Variants in SLC37A1 observed in about 807,000 individuals in gnomAD.
SLC37A1 encodes the protein glucose-6-phosphate exchanger SLC37A1.
SLC37A1 carries 49 observed loss-of-function variants against 75.3 expected under a neutral mutation model. That is an observed-to-expected ratio of 0.65 (90% confidence interval 0.52 to 0.83). The LOEUF (loss-of-function observed/expected upper bound fraction) is 0.83, where lower values mean the gene tolerates loss of function less well. Ranked by LOEUF, SLC37A1 falls within the 40% of genes least tolerant of loss-of-function variation. The pLI, the probability that SLC37A1 is intolerant of heterozygous loss-of-function variation, is 0.00. For synonymous variants in SLC37A1, 268 were observed against 292.1 expected, an observed-to-expected ratio of 0.92 and a Z score of 0.84; for missense variants, 566 against 695.0, an observed-to-expected ratio of 0.81 and a Z score of 2.09.
At chr21:42,504,771 G>A (rs1445645402) in intron 2 of SLC37A1, among the ~76,000 whole-genome samples, 1 of 152,172 alleles carries the variant, frequency 6.6e-6, no homozygotes, top group African/African-American at 2.4e-5. Context: ...TTCTTGGGCT[G>A]ACCTTTTTAT....
chr21:42,558,907 T>C (rs1460289996), intron 10 of SLC37A1, 51 bp from the exon 11 acceptor site: 4 of 1,611,264 alleles, frequency 2.5e-6, no homozygotes, highest in Non-Finnish European at 3.4e-6. Flanking sequence ...TCACCCAGAC[T>C]GCCCGGCTGG....
intron 3 of SLC37A1, among the ~76,000 whole-genome samples, chr21:42,530,659 C>CCCT (rs1034445660): frequency 1.4e-5 from 2 of 143,032 alleles, no homozygotes; most frequent in East Asian, 4.0e-4. Context: ...CACACACCCC[C>CCCT]TCTGTGTTGG....
intron 19 of SLC37A1, 120 bp from the exon 20 acceptor site, chr21:42,580,225 T>C: frequency 8.6e-7 from 1 of 1,162,944 alleles, no homozygotes; most frequent in Non-Finnish European, 1.3e-6. Flanking sequence ...GAGGAATCCC[T>C]GCTGGGCCGG....
rs566540052 is a variant in SLC37A1, at chr21:42,577,413, C to T, written c.1522-2323C>T. The stretch of plus-strand genomic sequence containing the variant: ...AGCCTGAAATATTTACTATCTAGAC[C>T]TTTACAGAAAAAGCTTTCTGACTCT... On this transcript the variant is annotated intron_variant, in intron 18 of 19. Transcript: ENST00000352133. Among the ~76,000 whole-genome samples the T allele has an allele frequency of 2.2e-3, 331 of 152,332 alleles. 2 individuals are homozygous for T. Among genetic ancestry groups the T allele is most frequent in the Admixed American group, 5.2e-3 (79 of 15,304 alleles).
chr21:42,551,389 G>A (rs781317207), intron 9 of SLC37A1, among the ~76,000 whole-genome samples: 14 of 152,192 alleles, frequency 9.2e-5, no homozygotes, highest in Admixed American at 2.0e-4. Context: ...CATATGAAAT[G>A]TCCAGAATAG....
At chr21:42,561,720 A>G in intron 11 of SLC37A1, 1 of 218,482 alleles carries the variant, frequency 4.6e-6, no homozygotes, top group Non-Finnish European at 9.1e-6. Flanking sequence ...TTCGAAATTC[A>G]GAAACGCCGT....
chr21:42,528,451 A>C (rs747819063), intron 3 of SLC37A1, among the ~76,000 whole-genome samples: 12 of 152,252 alleles, frequency 7.9e-5, no homozygotes, highest in Non-Finnish European at 1.2e-4. Context: ...CTTAAACTGC[A>C]GGGGTCCCTG....
chr21:42,513,789 C>A (rs1601653410), upstream of SLC37A1: 1 of 146,146 alleles, frequency 6.8e-6, no homozygotes, highest in Non-Finnish European at 1.5e-5. Flanking sequence ...CGCGCGGCTC[C>A]GCCGGCGCCC....
intron 1 of SLC37A1, chr21:42,515,075 G>T (rs985551825): frequency 5.3e-5 from 8 of 152,210 alleles, no homozygotes; most frequent in African/African-American, 1.9e-4. Context: ...GTTTCATGCA[G>T]CCCACCTGTG....
intron 2 of SLC37A1, among the ~76,000 whole-genome samples, chr21:42,519,124 G>A (rs1043862006): frequency 3.3e-5 from 5 of 152,116 alleles, no homozygotes; most frequent in East Asian, 3.8e-4. Context: ...TTCTACCCTC[G>A]TAGGTTCTGT....
At chr21:42,572,684 A>C (rs1012516818) in intron 17 of SLC37A1, among the ~76,000 whole-genome samples, 20 of 148,438 alleles carry the variant, frequency 1.3e-4, no homozygotes, top group African/African-American at 4.6e-4. Flanking sequence ...ACACAAAAAA[A>C]AAAAAAAGAG....
intron 11 of SLC37A1, among the ~76,000 whole-genome samples, chr21:42,559,871 G>T: frequency 9.5e-6 from 1 of 104,812 alleles, no homozygotes; most frequent in African/African-American, 3.6e-5. Flanking sequence ...GCAAGACTCT[G>T]TCTCAAAAAA....
chr21:42,557,097 G>A (rs191126139), intron 10 of SLC37A1, among the ~76,000 whole-genome samples: 19 of 152,362 alleles, frequency 1.2e-4, no homozygotes, highest in African/African-American at 4.3e-4. Flanking sequence ...GGTCTTCTGT[G>A]TTGACCTGCG....
At chr21:42,551,746 T>C (rs2055562483) in intron 9 of SLC37A1, among the ~76,000 whole-genome samples, 1 of 152,252 alleles carries the variant, frequency 6.6e-6, no homozygotes, top group East Asian at 1.9e-4. Flanking sequence ...CTCCTTCTGA[T>C]TGGTTAATTT....
chr21:42,541,830 C>T (rs1375601945), intron 6 of SLC37A1, among the ~76,000 whole-genome samples: 1 of 152,184 alleles, frequency 6.6e-6, no homozygotes, highest in Non-Finnish European at 1.5e-5. Context: ...CAGCCTTGAC[C>T]TCCCAGGCTC....
chr21:42,520,595 C>T (rs943209389), intron 2 of SLC37A1, among the ~76,000 whole-genome samples: 4 of 151,950 alleles, frequency 2.6e-5, no homozygotes, highest in Non-Finnish European at 4.4e-5. Context: ...TGAAAGTTCT[C>T]GGGATAAACT....
Position 42,535,531 on chromosome 21 carries a change from G to A in SLC37A1, c.331G>A (p.Ala111Thr). ...GGACTACTCCTTCCTGTGCGCCTAT[G>A]CCGTGGGGATGTACCTCAGGTAGGT... ...ALDYSFLCAYAVGMYLSGIIG... is the reference protein window; with the variant it reads ...ALDYSFLCAYTVGMYLSGIIG... Residue 111 changes from alanine (A) to threonine (T), a missense_variant, in exon 5 of 20, where the codon GCC becomes ACC. Physicochemically the swap from Ala to Thr is moderately conservative, Grantham distance 58. Coordinates refer to ENST00000352133, the MANE Select transcript of SLC37A1 (RefSeq NM_001320537.2). 6.2e-7 allele frequency: 1 copy of A among 1,614,200 alleles called. No homozygotes were observed. Among genetic ancestry groups the A allele is most frequent in the Non-Finnish European group, 8.5e-7 (1 of 1,180,014 alleles).
At chr21:42,569,674 T>C (rs557377049) in intron 17 of SLC37A1, among the ~76,000 whole-genome samples, 47 of 152,396 alleles carry the variant, frequency 3.1e-4, no homozygotes, top group African/African-American at 1.1e-3. Flanking sequence ...CTCCCGGGTC[T>C]GTTCTCTGGA....
intron 2 of SLC37A1, among the ~76,000 whole-genome samples, chr21:42,504,779 T>TA (rs1047246710): frequency 6.6e-6 from 1 of 152,230 alleles, no homozygotes; most frequent in Non-Finnish European, 1.5e-5. Flanking sequence ...CTGACCTTTT[T>TA]ATCATCCACC....
Sources: gnomAD v4.1 joint callset for allele counts (sites outside exome capture counted in the v4.1 genomes callset) on GRCh38, gnomAD v4.1.1 for gene constraint, MANE v1.5 for transcripts, NCBI Gene and HGNC (gene_info 2026-07-23, HGNC 2026-07-21) for gene names.